NKAIN2: variants seen among roughly 807,000 people sequenced by gnomAD.
NKAIN2 encodes the protein sodium/potassium transporting ATPase interacting 2.
Under a neutral mutation model 32.6 loss-of-function variants are expected in NKAIN2, and 14 were observed. That is an observed-to-expected ratio of 0.43 (90% CI 0.28 to 0.67). The LOEUF is 0.67. NKAIN2 is among the 30% of genes least tolerant of loss of function. The pLI, the probability that NKAIN2 is intolerant of heterozygous loss-of-function variation, is 0.17. For missense variants in NKAIN2, 198 were observed against 258.3 expected (o/e 0.77, Z 1.60); for synonymous variants, 80 against 87.2 (o/e 0.92, Z 0.46).
chr6:124,656,366 G>A (rs1397710539), intron 3 of NKAIN2, among the ~76,000 whole-genome samples: 1 of 152,072 alleles, frequency 6.6e-6, no homozygotes, highest in Non-Finnish European at 1.5e-5. Context: ...TTCCTGTAGG[G>A]AAAGTTGTAT....
At chr6:124,318,608 A>G (rs1425244649) in intron 2 of NKAIN2, among the ~76,000 whole-genome samples, 1 of 152,002 alleles carries the variant, frequency 6.6e-6, no homozygotes, top group Non-Finnish European at 1.5e-5. Flanking sequence ...CTTTACTTCA[A>G]CTTATCTGTC....
At chr6:124,347,455 G>C (rs62434717) in intron 2 of NKAIN2, among the ~76,000 whole-genome samples, 1 of 152,108 alleles carries the variant, frequency 6.6e-6, no homozygotes, top group Non-Finnish European at 1.5e-5. Flanking sequence ...CATTCTCCCC[G>C]TCAGTTTCAG....
chr6:124,711,144 T>C (rs1383540775), intron 4 of NKAIN2, among the ~76,000 whole-genome samples: 33 of 140,776 alleles, frequency 2.3e-4, no homozygotes, highest in African/African-American at 7.7e-4. Context: ...TCTTTAAGAA[T>C]GTTGAATATT....
At chr6:124,137,197 A>T (rs1311559472) in intron 1 of NKAIN2, among the ~76,000 whole-genome samples, 2 of 152,180 alleles carry the variant, frequency 1.3e-5, no homozygotes, top group African/African-American at 4.8e-5. Context: ...AATTAGTAGC[A>T]GTGCTATACA....
intron 4 of NKAIN2, among the ~76,000 whole-genome samples, chr6:124,774,594 G>A (rs528445955): frequency 2.0e-5 from 3 of 152,232 alleles, no homozygotes; most frequent in South Asian, 2.1e-4. Flanking sequence ...GGTGGCTCAC[G>A]CCTGTAATTC....
chr6:124,320,048 C>T (rs9375319), intron 2 of NKAIN2, among the ~76,000 whole-genome samples: 8,892 of 152,142 alleles, frequency 0.058, 436 homozygotes, highest in East Asian at 0.23. Flanking sequence ...GCTTGTGGTC[C>T]TCCTGCCCTT....
At chr6:124,272,023 G>T (rs990324287) in intron 1 of NKAIN2, among the ~76,000 whole-genome samples, 1 of 152,096 alleles carries the variant, frequency 6.6e-6, no homozygotes, top group South Asian at 2.1e-4. Context: ...ACAAAGAGAT[G>T]GTTTGGAATT....
In NKAIN2 at chr6:123,940,383, T is replaced by TACAC. The variant is rs112837392; in HGVS notation, c.54+136143_54+136146dup. On this transcript the variant is annotated intron_variant, in intron 1 of 6. Coordinates refer to ENST00000368417, the MANE Select transcript of NKAIN2 (RefSeq NM_001040214.3). ...ATGTGTGTATATGTATATATATAGATACACACACACACACACAGTCATGCA... is the reference window on the plus strand; with the variant it reads ...ATGTGTGTATATGTATATATATAGATACACACACACACACACACACAGTCATGCA... 4.9e-3 allele frequency among the ~76,000 whole-genome samples: 728 copies of TACAC among 147,078 alleles called. 8 individuals are homozygous for TACAC. The highest frequency in any genetic ancestry group is 0.016 in the African/African-American group (631 of 38,258).
chr6:124,726,435 C>A (rs1225557920), intron 4 of NKAIN2, among the ~76,000 whole-genome samples: 2 of 152,158 alleles, frequency 1.3e-5, no homozygotes, highest in Admixed American at 1.3e-4. Flanking sequence ...GAGGCACCCC[C>A]CAGCAGGGGC....
At chr6:123,877,694 T>TA (rs1773230864) in intron 1 of NKAIN2, among the ~76,000 whole-genome samples, 1 of 152,234 alleles carries the variant, frequency 6.6e-6, no homozygotes, top group South Asian at 2.1e-4. Context: ...TCTTTAGTGC[T>TA]ATTTTGAGAA....
chr6:124,794,867 C>A, intron 5 of NKAIN2: 2 of 967,850 alleles, frequency 2.1e-6, no homozygotes, highest in Non-Finnish European at 2.5e-6. Flanking sequence ...ATATGACTTC[C>A]GATCCATAGA....
chr6:124,737,522 T>C (rs935472330), intron 4 of NKAIN2, among the ~76,000 whole-genome samples: 1 of 151,682 alleles, frequency 6.6e-6, no homozygotes, highest in African/African-American at 2.4e-5. Flanking sequence ...GTACCGGGAG[T>C]GCTGCTATGA....
intron 1 of NKAIN2, among the ~76,000 whole-genome samples, chr6:124,143,860 T>G (rs919660133): frequency 6.6e-6 from 1 of 152,202 alleles, no homozygotes; most frequent in African/African-American, 2.4e-5. Context: ...TATAAAACTG[T>G]TAATGGTTTT....
intron 1 of NKAIN2, among the ~76,000 whole-genome samples, chr6:124,244,651 G>T (rs1793297108): frequency 6.6e-6 from 1 of 151,926 alleles, no homozygotes; most frequent in Admixed American, 6.6e-5. Flanking sequence ...AAGTAAATCA[G>T]GAGCATTCTA....
intron 3 of NKAIN2, among the ~76,000 whole-genome samples, chr6:124,573,564 A>G (rs1485150366): frequency 6.6e-6 from 1 of 151,886 alleles, no homozygotes; most frequent in African/African-American, 2.4e-5. Flanking sequence ...ATTTTTCTAA[A>G]ATGCAAACCT....
intron 3 of NKAIN2, among the ~76,000 whole-genome samples, chr6:124,537,242 G>A (rs1223067504): frequency 1.3e-5 from 2 of 152,200 alleles, no homozygotes; most frequent in Non-Finnish European, 2.9e-5. Flanking sequence ...TAGAATGGTG[G>A]AAGAGGAAAT....
In NKAIN2 at chr6:124,338,543, T is replaced by C. The variant is rs559337856; in HGVS notation, c.193-16724T>C. On this transcript the variant is annotated intron_variant, in intron 2 of 6. Transcript: ENST00000368417. ...AAAGTTATTTGATTAGGTATATTTT[T>C]CTAGGCGCTTAACTCATTTTGACAA... Among the ~76,000 whole-genome samples, 5 of 152,318 alleles carry C rather than the reference T, an allele frequency of 3.3e-5. No homozygotes were observed. In the East Asian group the frequency reaches 7.7e-4, roughly 24 times the overall value.
intron 5 of NKAIN2, among the ~76,000 whole-genome samples, chr6:124,817,997 T>A (rs1347897590): frequency 0.016 from 2,474 of 152,244 alleles, no homozygotes; most frequent in African/African-American, 0.054. Context: ...TGGTCATTAT[T>A]TATATTTATA....
intron 4 of NKAIN2, among the ~76,000 whole-genome samples, chr6:124,695,430 G>T (rs1774453544): frequency 1.3e-5 from 2 of 152,136 alleles, no homozygotes. Context: ...ATATTTTAAA[G>T]ATCTCATAAC....
Sources: allele counts gnomAD v4.1 joint callset (sites outside exome capture counted in the v4.1 genomes callset), GRCh38; gene constraint gnomAD v4.1.1; transcripts MANE v1.5; gene names NCBI Gene and HGNC (gene_info 2026-07-23, HGNC 2026-07-21).